Variants in TPST1 observed in about 807,000 individuals in gnomAD.
The protein encoded by TPST1 is protein-tyrosine sulfotransferase 1.
Under a neutral mutation model 34.8 loss-of-function variants are expected in TPST1, and 20 were observed. The observed-to-expected ratio is 0.57, with a 90% CI of 0.40 to 0.84. TPST1 has a LOEUF of 0.84. Ranked by LOEUF, TPST1 falls within the 40% of genes least tolerant of loss-of-function variation. The pLI, the probability that TPST1 is intolerant of heterozygous loss-of-function variation, is 0.00. For synonymous variants in TPST1, 152 were observed against 159.4 expected (o/e 0.95, Z 0.35); for missense variants, 353 against 455.5 (o/e 0.78, Z 2.05).
chr7:66,317,095 G>T (rs780551604), intron 3 of TPST1, among the ~76,000 whole-genome samples: 4 of 152,170 alleles, frequency 2.6e-5, no homozygotes, highest in Non-Finnish European at 5.9e-5. Flanking sequence ...AAAAAGTCTG[G>T]CATGGAAAGA....
intron 2 of TPST1, among the ~76,000 whole-genome samples, chr7:66,272,044 T>A (rs1481749946): frequency 6.6e-6 from 1 of 152,200 alleles, no homozygotes; most frequent in Admixed American, 6.5e-5. Context: ...GCTCTGTGCC[T>A]TTTATACTTT....
Position 66,240,718 on chromosome 7 carries a change from G to T in TPST1, c.293G>T (p.Gly98Val). The stretch of plus-strand genomic sequence containing the variant: ...GACGCACATCCTGACATTCGCTGTG[G>T]AGAGGAAACCAGGGTCATTCCCCGA... ...MLDAHPDIRC[G>V]EETRVIPRIL... The change falls in exon 2 of 6, where the codon GGA (glycine) becomes GTA (valine). Residue 98 changes from glycine (G) to valine (V), a missense_variant. Coordinates refer to ENST00000304842, the MANE Select transcript of TPST1 (RefSeq NM_003596.4). The T allele has an allele frequency of 6.2e-7, 1 of 1,614,198 alleles. No homozygotes were observed. Among genetic ancestry groups the T allele is most frequent in the Non-Finnish European group, 8.5e-7 (1 of 1,180,042 alleles).
At chr7:66,355,727 C>T (rs989435851) in intron 4 of TPST1, among the ~76,000 whole-genome samples, 1 of 151,520 alleles carries the variant, frequency 6.6e-6, no homozygotes, top group African/African-American at 2.4e-5. Context: ...TGGCAAAACT[C>T]CATCTCTAAA....
rs778902780 is a variant in TPST1 at position 66,360,178 on chromosome 7, C to A, written c.*313C>A. 20 of 314,520 alleles carry A rather than the reference C, an allele frequency of 6.4e-5. No homozygotes were observed. Among genetic ancestry groups the A allele is most frequent in the African/African-American group, 1.1e-4 (5 of 46,202 alleles). The allele number at this position is 314,520 out of a possible 1,614,324, so 19.5% of individuals were successfully genotyped here. A position where few individuals can be genotyped will look rare whatever the true frequency, so the allele number is the denominator to read the frequency against. On this transcript the variant is annotated 3_prime_UTR_variant, in exon 6 of 6. Transcript: ENST00000304842. ...CTTGTTCTCTTTTCTTACATTATGA[C>A]GTTTGTTTTCAAGGAGAGGGTTTAA...
intron 3 of TPST1, among the ~76,000 whole-genome samples, chr7:66,293,633 A>G (rs1318008829): frequency 6.6e-6 from 1 of 152,204 alleles, no homozygotes; most frequent in South Asian, 2.1e-4. Flanking sequence ...GTTTCTAGGA[A>G]TGATACTCAC....
chr7:66,243,941 A>ATTTTTTT (rs55829208), intron 2 of TPST1, among the ~76,000 whole-genome samples: 9 of 116,232 alleles, frequency 7.7e-5, no homozygotes, highest in Non-Finnish European at 1.2e-4. Flanking sequence ...ATTCTGGGAA[A>ATTTTTTT]TTTTTTTTTT....
intron 1 of TPST1, among the ~76,000 whole-genome samples, chr7:66,210,987 G>A (rs550365353): frequency 1.1e-4 from 16 of 151,756 alleles, no homozygotes; most frequent in Non-Finnish European, 1.6e-4. Flanking sequence ...ACACACACGC[G>A]CGCGCACACA....
chr7:66,333,803 C>T (rs1056814774), intron 3 of TPST1, among the ~76,000 whole-genome samples: 12 of 152,182 alleles, frequency 7.9e-5, no homozygotes, highest in South Asian at 2.1e-4. Flanking sequence ...TGTATGTGCA[C>T]CCTAATAACA....
At chr7:66,204,975 C>A (rs1789091070), upstream of TPST1, among the ~76,000 whole-genome samples, 1 of 152,256 alleles carries the variant, frequency 6.6e-6, no homozygotes, top group Non-Finnish European at 1.5e-5. Flanking sequence ...CTCTGGGACA[C>A]CCACGTTGGG....
intron 1 of TPST1, among the ~76,000 whole-genome samples, chr7:66,230,997 G>T (rs1470598137): frequency 2.0e-5 from 3 of 152,226 alleles, no homozygotes; most frequent in African/African-American, 7.2e-5. Flanking sequence ...CACAAACCCT[G>T]AGCTAGACAC....
At position 66,307,953 on chromosome 7, in the gene TPST1, G is replaced by A. The variant is rs564161241; in HGVS notation, c.1044+21244G>A. Reference sequence around the variant, plus strand: ...TCACACTTTGTCCTGTTTGAGAATAGTTTATTGACATAGCTCTTTTCTATA... The same window carrying A: ...TCACACTTTGTCCTGTTTGAGAATAATTTATTGACATAGCTCTTTTCTATA... On this transcript the variant is annotated intron_variant, in intron 3 of 5. Transcript: ENST00000304842. Among the ~76,000 whole-genome samples the A allele has an allele frequency of 2.0e-5, 3 of 152,336 alleles. No individual in the cohort carries two copies. The South Asian group carries it at 6.2e-4, about 32-fold the overall frequency.
intron 3 of TPST1, among the ~76,000 whole-genome samples, chr7:66,301,573 C>T (rs76931296): frequency 0.029 from 4,482 of 152,260 alleles, 93 homozygotes; most frequent in Non-Finnish European, 0.044. Context: ...CTATTCCTTT[C>T]ATTTGGACAC....
At chr7:66,276,385 T>TATATATATATATATATATATATATATATG (rs1431495136) in intron 2 of TPST1, among the ~76,000 whole-genome samples, 4 of 137,728 alleles carry the variant, frequency 2.9e-5, no homozygotes, top group Non-Finnish European at 3.1e-5. Context: ...TATATATGTA[T>TATATATATATATATATATATATATATATG]TTTTTTGAGG....
At chr7:66,279,322 A>G (rs957206453) in intron 2 of TPST1, among the ~76,000 whole-genome samples, 15 of 152,162 alleles carry the variant, frequency 9.9e-5, no homozygotes, top group African/African-American at 3.6e-4. Flanking sequence ...TTCATCATCC[A>G]GTCCACTGTT....
chr7:66,283,595 G>GAATTTCATCATT (rs1790977199), intron 2 of TPST1, among the ~76,000 whole-genome samples: 1 of 152,144 alleles, frequency 6.6e-6, no homozygotes, highest in Non-Finnish European at 1.5e-5. Flanking sequence ...ATTTTCATGT[G>GAATTTCATCATT]TAATGAAATG....
At chr7:66,272,826 G>C (rs1010977602) in intron 2 of TPST1, among the ~76,000 whole-genome samples, 1 of 152,024 alleles carries the variant, frequency 6.6e-6, no homozygotes, top group Non-Finnish European at 1.5e-5. Flanking sequence ...GGCTCAAGCA[G>C]TCCACTCACC....
At chr7:66,356,654 G>C (rs1283086566) in intron 4 of TPST1, among the ~76,000 whole-genome samples, 171 bp from the exon 5 acceptor site, 1 of 152,174 alleles carries the variant, frequency 6.6e-6, no homozygotes, top group African/African-American at 2.4e-5. Context: ...TTCCCTCCCA[G>C]GAACCAGGGG....
chr7:66,341,420 G>A (rs1443122572), intron 3 of TPST1, among the ~76,000 whole-genome samples: 1 of 152,140 alleles, frequency 6.6e-6, no homozygotes, highest in Non-Finnish European at 1.5e-5. Flanking sequence ...TGGGATTGCA[G>A]GCACCCATCA....
intron 1 of TPST1, among the ~76,000 whole-genome samples, chr7:66,223,062 G>A (rs1789576464): frequency 6.6e-6 from 1 of 151,968 alleles, no homozygotes; most frequent in African/African-American, 2.4e-5. Flanking sequence ...CTAGAGCCCA[G>A]GTCTTCTGAC....
Sources: allele counts gnomAD v4.1 joint callset (sites outside exome capture counted in the v4.1 genomes callset), GRCh38; gene constraint gnomAD v4.1.1; transcripts MANE v1.5; gene names NCBI Gene and HGNC (gene_info 2026-07-23, HGNC 2026-07-21).